The following PATJ variants were observed in gnomAD, a reference collection of about 807,000 sequenced individuals.
PATJ encodes PATJ crumbs cell polarity complex component, also known as inaD-like protein.
In PATJ, 190 loss-of-function variants were observed where a neutral mutation model predicts 224.9. That is an observed-to-expected ratio of 0.84 (90% CI 0.75 to 0.95). The LOEUF is 0.95. Among genes scored for constraint, PATJ ranks in the 40% least tolerant of loss-of-function variants. PATJ has a pLI of 0.00. For missense variants in PATJ, 2,121 were observed against 2,270.3 expected, an observed-to-expected ratio of 0.93 and a Z score of 1.34; for synonymous variants, 769 against 820.3, an observed-to-expected ratio of 0.94 and a Z score of 1.07.
intron 11 of PATJ, among the ~76,000 whole-genome samples, chr1:61,801,162 T>G (rs1457130089): frequency 1.3e-5 from 2 of 152,168 alleles, no homozygotes; most frequent in African/African-American, 4.8e-5. Context: ...CATACTGTCT[T>G]CCACTGTGGG....
rs1658911201 is a variant in PATJ at position 62,079,558 on chromosome 1, A to G, written c.4234A>G (p.Thr1412Ala). 9 of 1,590,308 alleles carry G rather than the reference A, an allele frequency of 5.7e-6. No individual in the cohort carries two copies. Among genetic ancestry groups the G allele is most frequent in the Middle Eastern group, 1.7e-4 (1 of 6,022 alleles). ...ATACCATTCAACAGATGCAGACTTC[A>G]CAGGCTATGGTATGATTCTTTCTCT... is the stretch of plus-strand genomic sequence containing the variant. ...SSYHSTDADF[T>A]GYGGFQAPLS... The change falls in exon 32 of 44, where the codon ACA becomes GCA. Residue 1412 changes from threonine (T) to alanine (A), a missense_variant. Physicochemically the swap from Thr to Ala is moderately conservative, Grantham distance 58. Coordinates refer to ENST00000642238, the MANE Select transcript of PATJ (RefSeq NM_001350145.3).
chr1:62,133,232 A>G (rs1011245492), intron 41 of PATJ, among the ~76,000 whole-genome samples: 2 of 150,226 alleles, frequency 1.3e-5, no homozygotes, highest in Admixed American at 1.3e-4. Context: ...TTTTTTTATC[A>G]TGTACTGTAC....
At chr1:61,931,151 T>A (rs75690407) in intron 27 of PATJ, among the ~76,000 whole-genome samples, 1,734 of 152,342 alleles carry the variant, frequency 0.011, 30 homozygotes, top group African/African-American at 0.037. Flanking sequence ...AAGAGCTGGC[T>A]TTGCTAGTTG....
chr1:62,092,381 T>TA (rs760187721), intron 33 of PATJ, among the ~76,000 whole-genome samples: 3,187 of 145,430 alleles, frequency 0.022, 43 homozygotes, highest in Non-Finnish European at 0.028. Flanking sequence ...CCTTGCCTGT[T>TA]AAAAAAAAAA....
intron 27 of PATJ, among the ~76,000 whole-genome samples, chr1:61,978,299 C>G (rs751393755): frequency 6.6e-5 from 9 of 137,376 alleles, no homozygotes; most frequent in Non-Finnish European, 1.4e-4. Flanking sequence ...GTTTTTCGCT[C>G]TTGTTGCCTA....
rs948876951 is a variant in PATJ at position 61,999,591 on chromosome 1, C to T, written c.3867+9227C>T. ...GCTGAGGCACAAGAATCGTTTGAAC[C>T]TAGGAGTTGGAGGTTACAGTGAGCT... On this transcript the variant is annotated intron_variant, in intron 28 of 43. Coordinates refer to ENST00000642238, the MANE Select transcript of PATJ (RefSeq NM_001350145.3). Among the ~76,000 whole-genome samples, 20 of 152,032 alleles carry T rather than the reference C, an allele frequency of 1.3e-4. No homozygotes were observed. The East Asian group carries it at 3.9e-3, about 30-fold the overall frequency.
intron 37 of PATJ, among the ~76,000 whole-genome samples, chr1:62,117,876 A>T (rs902432032): frequency 6.6e-6 from 1 of 152,092 alleles, no homozygotes; most frequent in African/African-American, 2.4e-5. Flanking sequence ...AGAAACTTAT[A>T]TGTGACCCCT....
At chr1:62,157,642 C>G (rs547368624) in intron 43 of PATJ, among the ~76,000 whole-genome samples, 1 of 148,030 alleles carries the variant, frequency 6.8e-6, no homozygotes, top group East Asian at 1.9e-4. Flanking sequence ...ACCAGCCTGG[C>G]CAACATGGCA....
intron 12 of PATJ, among the ~76,000 whole-genome samples, chr1:61,802,658 GT>G (rs999431841): frequency 1.4e-4 from 21 of 152,102 alleles, no homozygotes; most frequent in African/African-American, 3.6e-4. Context: ...CATTATACAT[GT>G]TTTTTATTAT....
chr1:61,999,303 G>C (rs36100977), intron 28 of PATJ, among the ~76,000 whole-genome samples: 27,781 of 152,046 alleles, frequency 0.18, 2,694 homozygotes, highest in Non-Finnish European at 0.21. Context: ...AGTGACTGTA[G>C]TGAAATGCAG....
intron 33 of PATJ, among the ~76,000 whole-genome samples, chr1:62,105,516 C>T (rs571779493): frequency 6.6e-6 from 1 of 152,222 alleles, no homozygotes; most frequent in African/African-American, 2.4e-5. Context: ...TCATTAGTGT[C>T]GCAGGGATCA....
At chr1:61,899,538 G>A in intron 22 of PATJ, 45 bp from the exon 23 acceptor site, 1 of 1,316,180 alleles carries the variant, frequency 7.6e-7, no homozygotes, top group Non-Finnish European at 1.1e-6. Context: ...TTAATAATGA[G>A]TATGCCCTAA....
intron 14 of PATJ, 129 bp from the exon 15 acceptor site, chr1:61,822,816 T>G (rs565506772): frequency 1.9e-6 from 2 of 1,043,610 alleles, no homozygotes; most frequent in African/African-American, 3.2e-5. Flanking sequence ...CCTATTATTG[T>G]CCTCTTTTAG....
At chr1:62,136,403 T>C (rs1015637424) in intron 41 of PATJ, among the ~76,000 whole-genome samples, 2 of 151,968 alleles carry the variant, frequency 1.3e-5, no homozygotes, top group Admixed American at 6.6e-5. Context: ...GGTCACTAGA[T>C]TCTGGACAAA....
chr1:61,758,238 AT>A (rs1645761223), intron 1 of PATJ, among the ~76,000 whole-genome samples: 1 of 152,192 alleles, frequency 6.6e-6, no homozygotes, highest in African/African-American at 2.4e-5. Flanking sequence ...CTTCCAAAGA[AT>A]TTCACTTTCT....
chr1:62,099,573 G>A (rs548664625), intron 33 of PATJ, among the ~76,000 whole-genome samples: 5 of 151,714 alleles, frequency 3.3e-5, no homozygotes, highest in African/African-American at 1.2e-4. Context: ...ACTTTTATGA[G>A]TATGGCAAAG....
intron 29 of PATJ, among the ~76,000 whole-genome samples, chr1:62,033,393 A>G (rs560029750): frequency 1.3e-5 from 2 of 152,346 alleles, no homozygotes; most frequent in African/African-American, 4.8e-5. Flanking sequence ...ATAAGGCTCC[A>G]GAGATGGAAC....
intron 37 of PATJ, among the ~76,000 whole-genome samples, chr1:62,118,560 A>G (rs1348403602): frequency 1.3e-5 from 2 of 152,212 alleles, no homozygotes; most frequent in Non-Finnish European, 2.9e-5. Context: ...GGACTGATCG[A>G]TAGGTAAGGT....
chr1:62,138,952 G>A (rs1039884729), intron 41 of PATJ, among the ~76,000 whole-genome samples: 51 of 152,166 alleles, frequency 3.4e-4, no homozygotes, highest in African/African-American at 1.2e-3. Flanking sequence ...TGACCTGCAT[G>A]TATTCATATC....
Sources: allele counts gnomAD v4.1 joint callset (sites outside exome capture counted in the v4.1 genomes callset), GRCh38; gene constraint gnomAD v4.1.1; transcripts MANE v1.5; gene names NCBI Gene and HGNC (gene_info 2026-07-23, HGNC 2026-07-21).